PLXDC2: variants seen among roughly 807,000 people sequenced by gnomAD.
PLXDC2 encodes plexin domain containing 2.
In PLXDC2, 40 loss-of-function variants were observed where a neutral mutation model predicts 68.9. That is an observed-to-expected ratio of 0.58 (90% CI 0.45 to 0.76). The LOEUF is 0.76. Ranked by LOEUF, PLXDC2 falls within the 30% of genes least tolerant of loss-of-function variation. PLXDC2 has a pLI of 0.00. For missense variants in PLXDC2, 644 were observed against 661.9 expected, an observed-to-expected ratio of 0.97 and a Z score of 0.30; for synonymous variants, 243 against 234.2, an observed-to-expected ratio of 1.04 and a Z score of -0.34.
At chr10:20,019,731 G>A (rs1034880612) in intron 2 of PLXDC2, among the ~76,000 whole-genome samples, 1 of 152,124 alleles carries the variant, frequency 6.6e-6, no homozygotes, top group African/African-American at 2.4e-5. Flanking sequence ...GATTATGTTG[G>A]CACCTTGACA....
intron 1 of PLXDC2, among the ~76,000 whole-genome samples, chr10:19,887,077 C>G (rs934906862): frequency 6.6e-6 from 1 of 152,180 alleles, no homozygotes; most frequent in African/African-American, 2.4e-5. Context: ...TCCCAGAACA[C>G]CCTACTTTGA....
intron 2 of PLXDC2, among the ~76,000 whole-genome samples, chr10:20,005,082 A>G (rs933520933): frequency 2.6e-5 from 4 of 152,204 alleles, no homozygotes; most frequent in African/African-American, 9.6e-5. Context: ...AAGGTCTCCC[A>G]TTAATGAGCA....
chr10:19,866,215 AC>A (rs1342019982), intron 1 of PLXDC2, among the ~76,000 whole-genome samples: 1 of 152,214 alleles, frequency 6.6e-6, no homozygotes, highest in Admixed American at 6.5e-5. Context: ...CTTAAACAAC[AC>A]AAATTTATTG....
chr10:20,151,651 G>A (rs1424755326), intron 6 of PLXDC2, among the ~76,000 whole-genome samples: 1 of 152,070 alleles, frequency 6.6e-6, no homozygotes, highest in Non-Finnish European at 1.5e-5. Flanking sequence ...AATATTGGCT[G>A]TTTAACAATC....
chr10:20,219,076 T>C lies in PLXDC2; in HGVS notation c.1286T>C (p.Ile429Thr). 6.2e-7 allele frequency: 1 copy of C among 1,608,116 alleles called. No individual in the cohort carries two copies. Among genetic ancestry groups the C allele is most frequent in the South Asian group, 1.1e-5 (1 of 90,208 alleles). ...TSLPTEDDTK[I>T]ALHLKDNGAS... ...ATTTCTCTTCCAGATGATACCAAGA[T>C]AGCACTACATCTAAAAGATAATGGA... Residue 429 changes from isoleucine (I) to threonine (T), a missense_variant, in exon 12 of 14, where the codon ATA becomes ACA. Ile to Thr is a moderately conservative substitution (Grantham distance 89). Around this residue, in one of 3 missense-constraint regions of PLXDC2, gnomAD observed 330 missense variants for 327.9 expected, o/e 1.01. Transcript: ENST00000377252.
chr10:20,235,112 A>G (rs1303005012), intron 12 of PLXDC2, among the ~76,000 whole-genome samples: 1 of 152,178 alleles, frequency 6.6e-6, no homozygotes, highest in African/African-American at 2.4e-5. Flanking sequence ...TGTCCAAGCT[A>G]CCGTTTGGGA....
intron 1 of PLXDC2, among the ~76,000 whole-genome samples, chr10:19,887,856 T>C (rs907874575): frequency 2.0e-5 from 3 of 152,220 alleles, no homozygotes; most frequent in Non-Finnish European, 4.4e-5. Flanking sequence ...GAGAGCTTTT[T>C]ATAATTACAT....
chr10:19,967,139 A>C (rs1226419840), intron 1 of PLXDC2, among the ~76,000 whole-genome samples: 3 of 152,194 alleles, frequency 2.0e-5, no homozygotes, highest in Admixed American at 2.0e-4. Context: ...AGAAAGCAAA[A>C]ATGTGTAACA....
At chr10:20,192,864 G>A (rs949708376) in intron 9 of PLXDC2, among the ~76,000 whole-genome samples, 4 of 152,008 alleles carry the variant, frequency 2.6e-5, no homozygotes, top group African/African-American at 7.2e-5. Flanking sequence ...AAAACTTGAC[G>A]AAAAAGACTG....
intron 1 of PLXDC2, among the ~76,000 whole-genome samples, chr10:19,852,526 G>T: frequency 7.2e-6 from 1 of 139,750 alleles, no homozygotes; most frequent in East Asian, 2.2e-4. Context: ...CAGTGGAAAA[G>T]ATTTCAAATC....
At chr10:19,913,454 G>A (rs1833310595) in intron 1 of PLXDC2, among the ~76,000 whole-genome samples, 1 of 152,082 alleles carries the variant, frequency 6.6e-6, no homozygotes, top group Non-Finnish European at 1.5e-5. Flanking sequence ...ATTTTTTATA[G>A]CAGTGTAATA....
chr10:19,900,095 A>G (rs993444888), intron 1 of PLXDC2, among the ~76,000 whole-genome samples: 3 of 152,186 alleles, frequency 2.0e-5, no homozygotes, highest in Non-Finnish European at 4.4e-5. Context: ...AACTTTAATG[A>G]TTATTTCCAA....
chr10:19,865,375 T>G (rs550255742), intron 1 of PLXDC2, among the ~76,000 whole-genome samples: 78 of 152,320 alleles, frequency 5.1e-4, no homozygotes, highest in African/African-American at 1.7e-3. Context: ...TTTTCAGAAA[T>G]GTATTTTTCT....
intron 9 of PLXDC2, among the ~76,000 whole-genome samples, chr10:20,205,649 A>T (rs549422321): frequency 6.6e-6 from 1 of 152,102 alleles, no homozygotes; most frequent in Admixed American, 6.6e-5. Flanking sequence ...TCATTTTTCT[A>T]TGATAGTCAG....
At position 19,848,122 on chromosome 10, in the gene PLXDC2, C is replaced by T. The variant is rs191622634; in HGVS notation, c.112+30931C>T. Among the ~76,000 whole-genome samples the T allele has an allele frequency of 2.1e-3, 315 of 152,130 alleles. 1 individual carries two copies. Among genetic ancestry groups the T allele is most frequent in the African/African-American group, 7.4e-3 (306 of 41,516 alleles). ...ATCACTTGAGCCCAGGACTTTGAGA[C>T]CCCATCTCTATAAAATTTCTTTTTA... On this transcript the variant is annotated intron_variant, in intron 1 of 13. Transcript: ENST00000377252.
intron 1 of PLXDC2, among the ~76,000 whole-genome samples, chr10:19,946,145 T>G (rs1833897191): frequency 6.6e-6 from 1 of 152,212 alleles, no homozygotes; most frequent in African/African-American, 2.4e-5. Context: ...CAGTTGAATC[T>G]GCTGATTCCT....
At chr10:20,265,271 A>G (rs12221361) in intron 13 of PLXDC2, among the ~76,000 whole-genome samples, 36,742 of 152,162 alleles carry the variant, frequency 0.24, 4,517 homozygotes, top group East Asian at 0.29. Flanking sequence ...AAACAAAATG[A>G]CCAGAAAGAC....
intron 4 of PLXDC2, among the ~76,000 whole-genome samples, chr10:20,122,407 G>T (rs536080012): frequency 6.6e-6 from 1 of 152,180 alleles, no homozygotes; most frequent in Non-Finnish European, 1.5e-5. Flanking sequence ...CTTTCGAGGC[G>T]ATTGGGCAGC....
intron 1 of PLXDC2, among the ~76,000 whole-genome samples, chr10:19,839,749 G>A (rs959194397): frequency 6.6e-6 from 1 of 151,856 alleles, no homozygotes; most frequent in Admixed American, 6.6e-5. Context: ...AGAGATACTC[G>A]ACAGAGATTA....
Sources: gnomAD v4.1 joint callset for allele counts (sites outside exome capture counted in the v4.1 genomes callset) on GRCh38, gnomAD v4.1.1 for gene constraint, gnomAD v4.1.1 regional missense constraint, MANE v1.5 for transcripts, NCBI Gene and HGNC (gene_info 2026-07-23, HGNC 2026-07-21) for gene names.